Variants in NLK observed in about 807,000 individuals in gnomAD.
NLK encodes nemo like kinase, also known as serine/threonine-protein kinase NLK.
NLK carries 11 observed loss-of-function variants against 59.0 expected under a neutral mutation model. That is an observed-to-expected ratio of 0.19 (90% confidence interval 0.12 to 0.31). NLK has a LOEUF of 0.31. Among genes scored for constraint, NLK ranks in the 10% least tolerant of loss-of-function variants. The pLI, the probability that NLK is intolerant of heterozygous loss-of-function variation, is 1.00. For synonymous variants in NLK, 235 were observed against 235.9 expected, an observed-to-expected ratio of 1.00 and a Z score of 0.03; for missense variants, 410 against 661.1, an observed-to-expected ratio of 0.62 and a Z score of 4.16.
chr17:28,141,643 T>C (rs1346742495), intron 3 of NLK, among the ~76,000 whole-genome samples: 1 of 152,206 alleles, frequency 6.6e-6, no homozygotes, highest in Non-Finnish European at 1.5e-5. Context: ...GTTACTTGGG[T>C]CTAATTTGAA....
At chr17:28,129,402 A>G (rs1341569779) in intron 2 of NLK, among the ~76,000 whole-genome samples, 1 of 152,130 alleles carries the variant, frequency 6.6e-6, no homozygotes, top group East Asian at 1.9e-4. Flanking sequence ...GCAGTGAGCC[A>G]AGGTCATGTC....
chr17:28,103,753 G>GATAGT (rs1319507530), intron 1 of NLK, among the ~76,000 whole-genome samples: 1 of 152,186 alleles, frequency 6.6e-6, no homozygotes, highest in Non-Finnish European at 1.5e-5. Context: ...AAACGTAAGA[G>GATAGT]ATAGTGCCCA....
chr17:28,170,915 G>C (rs1331707884), intron 6 of NLK, among the ~76,000 whole-genome samples: 2 of 152,144 alleles, frequency 1.3e-5, no homozygotes, highest in East Asian at 3.9e-4. Flanking sequence ...GTGTGTGTTG[G>C]GGTGAGAAAT....
rs1180533085 is a variant in NLK, at chr17:28,061,545, C to T, written c.458+18214C>T. The stretch of plus-strand genomic sequence containing the variant: ...GATGTCTTCTAAATACCACAGAATA[C>T]GAAAGTGGCTAATGAGAGTCTGTTA... On this transcript the variant is annotated intron_variant, in intron 1 of 10. Transcript: ENST00000407008. Among the ~76,000 whole-genome samples, 20 of 151,994 alleles carry T rather than the reference C, an allele frequency of 1.3e-4. 1 individual carries two copies. The highest frequency in any genetic ancestry group is 2.1e-4 in the South Asian group (1 of 4,816).
chr17:28,097,357 C>T (rs1164567267), intron 1 of NLK, among the ~76,000 whole-genome samples: 1 of 151,996 alleles, frequency 6.6e-6, no homozygotes, highest in African/African-American at 2.4e-5. Flanking sequence ...GTGTGGATAT[C>T]TGTATTTAAC....
chr17:28,086,030 CTGT>C (rs550542613), intron 1 of NLK, among the ~76,000 whole-genome samples: 10 of 152,182 alleles, frequency 6.6e-5, no homozygotes, highest in Non-Finnish European at 8.8e-5. Flanking sequence ...GAACATATCC[CTGT>C]TGTTAAGTGA....
intron 7 of NLK, among the ~76,000 whole-genome samples, chr17:28,182,593 T>TA (rs1484671219): frequency 6.6e-6 from 1 of 152,180 alleles, no homozygotes; most frequent in African/African-American, 2.4e-5. Flanking sequence ...GAAATTTATT[T>TA]AAGAGTTTGC....
At chr17:28,153,296 G>A (rs1450624783) in intron 3 of NLK, among the ~76,000 whole-genome samples, 1 of 150,470 alleles carries the variant, frequency 6.6e-6, no homozygotes. Context: ...AAAAGCTCAA[G>A]TTGACAACTG....
At chr17:28,150,445 T>A (rs1284309624) in intron 3 of NLK, among the ~76,000 whole-genome samples, 1 of 152,166 alleles carries the variant, frequency 6.6e-6, no homozygotes, top group African/African-American at 2.4e-5. Context: ...TAGTCTTGGC[T>A]TTTTACTGAC....
chr17:28,149,163 C>T (rs1174422796), intron 3 of NLK, among the ~76,000 whole-genome samples: 1 of 152,198 alleles, frequency 6.6e-6, no homozygotes, highest in East Asian at 1.9e-4. Context: ...TGGGCTTAAA[C>T]TTAAAATCCT....
chr17:28,184,808 G>C (rs772614637), intron 7 of NLK, among the ~76,000 whole-genome samples: 27 of 152,220 alleles, frequency 1.8e-4, no homozygotes, highest in African/African-American at 6.3e-4. Flanking sequence ...TTACCCAAGC[G>C]TGATGGCACA....
At chr17:28,181,157 G>C (rs1597725844) in intron 7 of NLK, among the ~76,000 whole-genome samples, 1 of 152,250 alleles carries the variant, frequency 6.6e-6, no homozygotes, top group Non-Finnish European at 1.5e-5. Flanking sequence ...CCAGCACTTG[G>C]GGAGTCCGAG....
At chr17:28,109,543 A>C (rs904647886) in intron 1 of NLK, among the ~76,000 whole-genome samples, 1 of 152,188 alleles carries the variant, frequency 6.6e-6, no homozygotes, top group African/African-American at 2.4e-5. Flanking sequence ...TCCCAACCCC[A>C]GGCAATCACT....
intron 1 of NLK, among the ~76,000 whole-genome samples, chr17:28,065,047 G>T (rs1444118736): frequency 6.6e-6 from 1 of 152,140 alleles, no homozygotes; most frequent in Non-Finnish European, 1.5e-5. Flanking sequence ...GGTCAAGGAA[G>T]CTTCCTTGAC....
intron 3 of NLK, among the ~76,000 whole-genome samples, chr17:28,145,742 GTC>G (rs748130769): frequency 6.6e-6 from 1 of 151,878 alleles, no homozygotes; most frequent in South Asian, 2.1e-4. Flanking sequence ...GTCTCACTCT[GTC>G]ACCCAGGCTG....
chr17:28,178,689 A>G (rs977169176), intron 7 of NLK, among the ~76,000 whole-genome samples: 2 of 152,212 alleles, frequency 1.3e-5, no homozygotes, highest in South Asian at 2.1e-4. Context: ...GACAGGAACC[A>G]TATCTTATAT....
At chr17:28,202,531 G>T in the NLK span, among the ~76,000 whole-genome samples, 121 of 151,988 alleles carry the variant, frequency 8.0e-4, no homozygotes, top group Admixed American at 1.5e-3. Context: ...GTTCATGAGA[G>T]ATATTGATCT....
intron 1 of NLK, among the ~76,000 whole-genome samples, chr17:28,069,830 A>T (rs1162302004): frequency 6.6e-6 from 1 of 151,868 alleles, no homozygotes; most frequent in East Asian, 1.9e-4. Context: ...TCTGTAACTT[A>T]CCTTTTCATT....
rs75658544 is a variant in NLK, at chr17:28,147,893, T to C, written c.645-13267T>C. 1.2e-4 allele frequency among the ~76,000 whole-genome samples: 18 copies of C among 152,340 alleles called. No homozygotes were observed. In the East Asian group the frequency reaches 3.5e-3, roughly 29 times the overall value. On this transcript the variant is annotated intron_variant, in intron 3 of 10. Coordinates refer to ENST00000407008, the MANE Select transcript of NLK (RefSeq NM_016231.5). The stretch of plus-strand genomic sequence containing the variant: ...TTGCATTATTCTAAAGAATGTCATG[T>C]TGTTAAGGTTGAATTTAAAACCCAT...
Sources: gnomAD v4.1 joint callset for allele counts (sites outside exome capture counted in the v4.1 genomes callset) on GRCh38, gnomAD v4.1.1 for gene constraint, MANE v1.5 for transcripts, NCBI Gene and HGNC (gene_info 2026-07-23, HGNC 2026-07-21) for gene names.